HHAT: variants seen among roughly 807,000 people sequenced by gnomAD.
HHAT encodes the protein hedgehog acyltransferase, also known as protein-cysteine N-palmitoyltransferase HHAT.
In HHAT, 47 loss-of-function variants were observed where a neutral mutation model predicts 70.8. The ratio of observed to expected loss-of-function variants is 0.66; its 90% CI spans 0.53 to 0.85. HHAT has a LOEUF of 0.85. Ranked by LOEUF, HHAT falls within the 40% of genes least tolerant of loss-of-function variation. The probability of loss-of-function intolerance (pLI) is 0.00; values close to 1 mark genes in which losing one functional copy is unlikely to be tolerated. For missense variants in HHAT, 609 were observed against 604.8 expected (o/e 1.01, Z -0.07); for synonymous variants, 228 against 247.6 (o/e 0.92, Z 0.74).
intron 10 of HHAT, among the ~76,000 whole-genome samples, chr1:210,614,905 A>G (rs1443986876): frequency 6.6e-6 from 1 of 152,198 alleles, no homozygotes; most frequent in East Asian, 1.9e-4. Flanking sequence ...AGCATGATTT[A>G]TATTCCTTTG....
chr1:210,464,949 T>C (rs572788086), intron 8 of HHAT, among the ~76,000 whole-genome samples: 18 of 152,344 alleles, frequency 1.2e-4, no homozygotes, highest in Non-Finnish European at 1.5e-5. Flanking sequence ...GAAAGGCTAC[T>C]GTATCTTGAT....
intron 9 of HHAT, among the ~76,000 whole-genome samples, chr1:210,571,669 C>T (rs1016222908): frequency 2.0e-5 from 3 of 152,196 alleles, no homozygotes; most frequent in African/African-American, 4.8e-5. Flanking sequence ...TGAGAGGGAG[C>T]CTTCCAAGCA....
At chr1:210,389,618 C>T (rs1016386832) in intron 4 of HHAT, among the ~76,000 whole-genome samples, 5 of 152,216 alleles carry the variant, frequency 3.3e-5, no homozygotes, top group Admixed American at 6.5e-5. Context: ...TGCTCTGCCA[C>T]GGTAAGATAT....
intron 7 of HHAT, among the ~76,000 whole-genome samples, chr1:210,455,046 G>A (rs999718795): frequency 8.5e-5 from 13 of 152,166 alleles, no homozygotes; most frequent in African/African-American, 2.9e-4. Flanking sequence ...GGACAAAGCA[G>A]GGGAGGCTGA....
At chr1:210,611,243 T>C (rs1666517626) in intron 10 of HHAT, among the ~76,000 whole-genome samples, 1 of 152,180 alleles carries the variant, frequency 6.6e-6, no homozygotes, top group African/African-American at 2.4e-5. Flanking sequence ...TTAGCTGTAT[T>C]CCTAGGTATT....
At chr1:210,399,128 G>A (rs951630063) in intron 4 of HHAT, among the ~76,000 whole-genome samples, 1 of 152,124 alleles carries the variant, frequency 6.6e-6, no homozygotes, top group African/African-American at 2.4e-5. Flanking sequence ...TTTTCAATTC[G>A]GTGGTTCCTG....
chr1:210,608,160 C>T (rs1363207989), intron 10 of HHAT, among the ~76,000 whole-genome samples: 1 of 152,050 alleles, frequency 6.6e-6, no homozygotes, highest in Non-Finnish European at 1.5e-5. Flanking sequence ...TTCGAGATTC[C>T]TCGTACATGT....
At chr1:210,444,352 T>C (rs1313122492) in intron 7 of HHAT, among the ~76,000 whole-genome samples, 2 of 141,774 alleles carry the variant, frequency 1.4e-5, no homozygotes, top group African/African-American at 5.1e-5. Flanking sequence ...AGAATGATGC[T>C]GGCCTCATAA....
chr1:210,498,847 G>T (rs1338050285), intron 8 of HHAT, among the ~76,000 whole-genome samples: 9 of 147,064 alleles, frequency 6.1e-5, no homozygotes, highest in African/African-American at 2.3e-4. Flanking sequence ...TCAGCTCACT[G>T]CAACCTCCAT....
chr1:210,593,691 G>C (rs1211800641), intron 10 of HHAT, among the ~76,000 whole-genome samples: 2 of 152,158 alleles, frequency 1.3e-5, no homozygotes, highest in East Asian at 3.9e-4. Context: ...AGGTCCATTT[G>C]ACCTGTGCTG....
chr1:210,436,870 AC>A lies in HHAT; in HGVS notation c.856+18549del, dbSNP rs146256298. 2.0e-3 allele frequency among the ~76,000 whole-genome samples: 311 copies of A among 151,966 alleles called. 4 individuals are homozygous for A. Among genetic ancestry groups the A allele is most frequent in the African/African-American group, 7.1e-3 (291 of 41,254 alleles). On this transcript the variant is annotated intron_variant, in intron 7 of 11. Coordinates refer to ENST00000261458, the MANE Select transcript of HHAT (RefSeq NM_018194.6). ...ACTTGTTCTCCTAGTTCCATGAGGA[AC>A]CCCAAATGGCTGGGTGATAGTAGGT...
At chr1:210,461,483 G>C (rs1022551102) in intron 7 of HHAT, among the ~76,000 whole-genome samples, 2 of 152,218 alleles carry the variant, frequency 1.3e-5, no homozygotes, top group African/African-American at 2.4e-5. Context: ...TGTTTACTTA[G>C]TAGAGTTGGG....
intron 10 of HHAT, chr1:210,590,556 A>AAAAAAAAC (rs1661472157): frequency 6.7e-6 from 1 of 149,658 alleles, no homozygotes; most frequent in African/African-American, 2.5e-5. Context: ...AAAAAAAAAA[A>AAAAAAAAC]AAAAAAAAGG....
Position 210,400,570 on chromosome 1 carries a change from T to G in HHAT, c.376T>G (p.Cys126Gly), listed in dbSNP as rs753831505. The change falls in exon 5 of 12, where the codon TGC becomes GGC. Residue 126 changes from cysteine (C) to glycine (G), a missense_variant. By Grantham distance (159) the Cys-to-Gly change is radical (BLOSUM62 -3). Coordinates refer to ENST00000261458, the MANE Select transcript of HHAT (RefSeq NM_018194.6). Reference sequence around the variant, plus strand: ...TTTGCTCCATACCACCATCTCTTTCTGCGTGGCCCAGTTCCGGTCTCAGCT... The same window carrying G: ...TTTGCTCCATACCACCATCTCTTTCGGCGTGGCCCAGTTCCGGTCTCAGCT... ...MVLLHTTISF[C>G]VAQFRSQLLT... 4 of 1,614,056 alleles carry G rather than the reference T, an allele frequency of 2.5e-6. No homozygotes were observed. The Admixed American group carries it at 6.7e-5, about 27-fold the overall frequency.
chr1:210,431,269 A>G (rs1165944095), intron 7 of HHAT, among the ~76,000 whole-genome samples: 1 of 151,528 alleles, frequency 6.6e-6, no homozygotes, highest in Non-Finnish European at 1.5e-5. Context: ...TGTCACTCTA[A>G]CCTCCTATGT....
chr1:210,434,882 T>G (rs1043922521), intron 7 of HHAT, among the ~76,000 whole-genome samples: 1 of 151,928 alleles, frequency 6.6e-6, no homozygotes, highest in African/African-American at 2.4e-5. Flanking sequence ...AACTGATATA[T>G]GATGTACATA....
chr1:210,605,618 A>G (rs1202004204), intron 10 of HHAT, among the ~76,000 whole-genome samples: 4 of 152,218 alleles, frequency 2.6e-5, no homozygotes, highest in Non-Finnish European at 5.9e-5. Context: ...GTGTATTATC[A>G]TTATTCCCAT....
intron 9 of HHAT, among the ~76,000 whole-genome samples, chr1:210,532,749 T>G (rs965193732): frequency 1.3e-5 from 2 of 151,656 alleles, no homozygotes; most frequent in Admixed American, 6.6e-5. Context: ...CTACCTGAGT[T>G]TTCTGTGGTC....
At chr1:210,343,751 G>A (rs1045011826) in intron 1 of HHAT, among the ~76,000 whole-genome samples, 29 of 152,264 alleles carry the variant, frequency 1.9e-4, no homozygotes, top group African/African-American at 5.8e-4. Context: ...AGACATTAAC[G>A]AAATCCCTGG....
Sources: gnomAD v4.1 joint callset for allele counts (sites outside exome capture counted in the v4.1 genomes callset) on GRCh38, gnomAD v4.1.1 for gene constraint, MANE v1.5 for transcripts, NCBI Gene and HGNC (gene_info 2026-07-23, HGNC 2026-07-21) for gene names.